The following ARHGEF10 variants were observed in gnomAD, a reference collection of about 807,000 sequenced individuals.
The protein encoded by ARHGEF10 is Rho guanine nucleotide exchange factor (GEF) 10.
ARHGEF10 carries 140 observed loss-of-function variants against 147.4 expected under a neutral mutation model. That is an observed-to-expected ratio of 0.95 (90% CI 0.83 to 1.09). The LOEUF (loss-of-function observed/expected upper bound fraction) is 1.09, where lower values mean the gene tolerates loss of function less well. ARHGEF10 is among the 50% of genes least tolerant of loss of function. The probability of loss-of-function intolerance (pLI) is 0.00; values close to 1 mark genes in which losing one functional copy is unlikely to be tolerated. For synonymous variants in ARHGEF10, 902 were observed against 695.8 expected (o/e 1.30, Z -4.67); for missense variants, 2,222 against 1,752.7 (o/e 1.27, Z -4.78).
chr8:1,869,424 G>T (rs1029957185), intron 7 of ARHGEF10, 174 bp downstream of exon 7: 4 of 713,154 alleles, frequency 5.6e-6, no homozygotes, highest in African/African-American at 5.2e-5. Flanking sequence ...GTGCACATAT[G>T]TGTGTGTGCT....
chr8:1,883,157 A>G (rs951213649), intron 10 of ARHGEF10, among the ~76,000 whole-genome samples: 6 of 151,826 alleles, frequency 4.0e-5, no homozygotes, highest in African/African-American at 1.4e-4. Context: ...TGGTGAGGGG[A>G]GATTTGGAGT....
In ARHGEF10 at chr8:1,957,355, T is replaced by A. The variant is rs934354426; in HGVS notation, c.*92T>A. On this transcript the variant is annotated 3_prime_UTR_variant, in exon 29 of 29. Transcript: ENST00000349830. ...CTGAGTGGTTAAGCTGTGTCTACAC[T>A]GGTTGGGAATAAATTAAAAACAGTA... 5.3e-6 allele frequency: 8 copies of A among 1,512,950 alleles called. No homozygotes were observed. The highest frequency in any genetic ancestry group is 2.8e-5 in the African/African-American group (2 of 72,712). The allele number at this position is 1,512,950 out of a possible 1,614,324, so 93.7% of individuals were successfully genotyped here.
chr8:1,949,669 A>G (rs1047750744), intron 27 of ARHGEF10, among the ~76,000 whole-genome samples: 20 of 151,778 alleles, frequency 1.3e-4, no homozygotes, highest in Admixed American at 1.2e-3. Flanking sequence ...TTTCCATTAG[A>G]AAAAAAAAGA....
At chr8:1,900,387 A>T (rs1337656221) in intron 15 of ARHGEF10, among the ~76,000 whole-genome samples, 3 of 152,046 alleles carry the variant, frequency 2.0e-5, no homozygotes, top group African/African-American at 7.2e-5. Flanking sequence ...TAGGAAACTG[A>T]GTTACGCTCT....
intron 10 of ARHGEF10, among the ~76,000 whole-genome samples, chr8:1,884,179 G>C (rs1164449206): frequency 1.3e-5 from 2 of 152,130 alleles, no homozygotes; most frequent in Non-Finnish European, 2.9e-5. Context: ...AGATCACGAG[G>C]TCAGGAGATC....
rs1407054666 is a variant in ARHGEF10, at chr8:1,893,601, C to G, written c.1215C>G (p.Val405=). ...VVRRYILGSV[V]DSEKNYVDAL... is the part of the protein sequence containing the mutation. The stretch of plus-strand genomic sequence containing the variant: ...GAAGATATATACTGGGTTCAGTTGT[C>G]GACAGTGAAAAGAACTACGTAGATG... Residue 405 remains valine (V), a synonymous_variant, in exon 12 of 29, where the codon GTC becomes GTG. Coordinates refer to ENST00000349830, the MANE Select transcript of ARHGEF10 (RefSeq NM_014629.4). 2 of 1,613,414 alleles carry G rather than the reference C, an allele frequency of 1.2e-6. No homozygotes were observed. The highest frequency in any genetic ancestry group is 1.7e-5 in the Admixed American group (1 of 59,980).
chr8:1,852,992 C>A (rs1417754079), intron 2 of ARHGEF10, among the ~76,000 whole-genome samples: 1 of 152,216 alleles, frequency 6.6e-6, no homozygotes, highest in Non-Finnish European at 1.5e-5. Context: ...GCAGCCTGTC[C>A]TGGGCAGGCC....
At chr8:1,866,088 C>T (rs1274196781) in intron 5 of ARHGEF10, among the ~76,000 whole-genome samples, 2 of 152,194 alleles carry the variant, frequency 1.3e-5, no homozygotes, top group African/African-American at 2.4e-5. Flanking sequence ...ATGGTTTATG[C>T]TGGGTGGCCT....
intron 1 of ARHGEF10, among the ~76,000 whole-genome samples, chr8:1,836,752 G>A (rs1010900917): frequency 6.6e-6 from 1 of 152,130 alleles, no homozygotes; most frequent in African/African-American, 2.4e-5. Context: ...ATCTCAACTT[G>A]AATTGTATCT....
At chr8:1,863,775 G>A (rs1806350095) in intron 4 of ARHGEF10, among the ~76,000 whole-genome samples, 1 of 152,086 alleles carries the variant, frequency 6.6e-6, no homozygotes, top group African/African-American at 2.4e-5. Flanking sequence ...TTTGCTCACG[G>A]CTCACCGTTC....
chr8:1,898,528 A>T lies in ARHGEF10; in HGVS notation c.1650+3A>T. On this transcript the variant is annotated splice_donor_region_variant and intron_variant, in intron 15 of 28. Coordinates refer to ENST00000349830, the MANE Select transcript of ARHGEF10 (RefSeq NM_014629.4). ...CACAGTTCATCCTCCTGCTCCAGGT[A>T]AGTGCTTCACGGAGACCTCCTCAAG... 6.2e-7 allele frequency: 1 copy of T among 1,613,678 alleles called. No individual in the cohort carries two copies. The highest frequency in any genetic ancestry group is 8.5e-7 in the Non-Finnish European group (1 of 1,179,608).
intron 17 of ARHGEF10, among the ~76,000 whole-genome samples, chr8:1,907,341 C>T (rs752464968): frequency 2.0e-5 from 3 of 152,180 alleles, no homozygotes; most frequent in Admixed American, 2.0e-4. Flanking sequence ...ATCCACCCAG[C>T]TCCTCACCTG....
At position 1,869,268 on chromosome 8, in the gene ARHGEF10, A is replaced by G. The variant is rs1469697580; in HGVS notation, c.679+18A>G. 3 of 1,611,652 alleles carry G rather than the reference A, an allele frequency of 1.9e-6. No individual in the cohort carries two copies. Among genetic ancestry groups the G allele is most frequent in the Non-Finnish European group, 2.5e-6 (3 of 1,177,820 alleles). ...TGAACCAGGTTTGATTTTGTCTGGAATTGATTTGAGGAGATTCAGCTCAGC... is the reference window on the plus strand; with the variant it reads ...TGAACCAGGTTTGATTTTGTCTGGAGTTGATTTGAGGAGATTCAGCTCAGC... On this transcript the variant is annotated intron_variant, in intron 7 of 28. Transcript: ENST00000349830.
intron 6 of ARHGEF10, 74 bp downstream of exon 6, chr8:1,866,676 C>T (rs1017827656): frequency 7.3e-7 from 1 of 1,370,120 alleles, no homozygotes; most frequent in African/African-American, 1.4e-5. Flanking sequence ...GGCCGGGTCC[C>T]TGAGTCTCAG....
At chr8:1,846,242 G>T (rs1266220954) in intron 2 of ARHGEF10, among the ~76,000 whole-genome samples, 1 of 152,252 alleles carries the variant, frequency 6.6e-6, no homozygotes, top group Non-Finnish European at 1.5e-5. Flanking sequence ...CATGACCTTG[G>T]TCTTTGATAC....
At chr8:1,894,211 C>G (rs946521081) in intron 12 of ARHGEF10, among the ~76,000 whole-genome samples, 182 bp from the exon 13 acceptor site, 1 of 151,750 alleles carries the variant, frequency 6.6e-6, no homozygotes, top group African/African-American at 2.4e-5. Context: ...CAGCCATGCC[C>G]CCATGGAACA....
chr8:1,902,614 A>C, intron 15 of ARHGEF10, among the ~76,000 whole-genome samples: 1 of 147,636 alleles, frequency 6.8e-6, no homozygotes, highest in Non-Finnish European at 1.5e-5. Flanking sequence ...CCCTCCCCCC[A>C]CATCTCCACC....
intron 27 of ARHGEF10, among the ~76,000 whole-genome samples, chr8:1,950,805 C>A (rs1483175313): frequency 7.1e-6 from 1 of 140,070 alleles, no homozygotes; most frequent in African/African-American, 2.7e-5. Context: ...GTCTGGAACT[C>A]CTGGCCTCAG....
intron 10 of ARHGEF10, among the ~76,000 whole-genome samples, chr8:1,884,183 G>A (rs933286428): frequency 6.6e-6 from 1 of 152,138 alleles, no homozygotes; most frequent in Admixed American, 6.5e-5. Flanking sequence ...CACGAGGTCA[G>A]GAGATCAAGA....
Sources: allele counts gnomAD v4.1 joint callset (sites outside exome capture counted in the v4.1 genomes callset), GRCh38; gene constraint gnomAD v4.1.1; transcripts MANE v1.5; gene names NCBI Gene and HGNC (gene_info 2026-07-23, HGNC 2026-07-21).